HDX: variants seen among roughly 807,000 people sequenced by gnomAD.
HDX encodes the protein chromosome X open reading frame 43.
HDX carries 19 observed loss-of-function variants against 45.2 expected under a neutral mutation model. The observed-to-expected ratio is 0.42, with a 90% CI of 0.29 to 0.62. The LOEUF is 0.62. HDX is among the 20% of genes least tolerant of loss of function. The pLI is 0.20. For synonymous variants in HDX, 188 were observed against 172.8 expected, an observed-to-expected ratio of 1.09 and a Z score of -0.69; for missense variants, 532 against 493.9, an observed-to-expected ratio of 1.08 and a Z score of -0.73.
intron 1 of HDX, among the ~76,000 whole-genome samples, chrX:84,490,874 T>G (rs1360368593): frequency 9.0e-6 from 1 of 111,047 alleles, no homozygotes; most frequent in East Asian, 2.8e-4. Flanking sequence ...CATTGTTTTC[T>G]GTGTTGCATT....
chrX:84,404,214 A>AT (rs1471560855), intron 5 of HDX, among the ~76,000 whole-genome samples: 1 of 111,916 alleles, frequency 8.9e-6, no homozygotes, highest in African/African-American at 3.2e-5. Flanking sequence ...ATTGATTTAG[A>AT]TTTTTAGAGT....
At chrX:84,412,054 G>A (rs746700682) in intron 5 of HDX, among the ~76,000 whole-genome samples, 10 of 111,604 alleles carry the variant, frequency 9.0e-5, no homozygotes, top group Non-Finnish European at 1.9e-4. Context: ...GCCTATGGGT[G>A]TCATTGAACA....
intron 5 of HDX, among the ~76,000 whole-genome samples, chrX:84,376,648 G>A: frequency 8.9e-6 from 1 of 112,300 alleles, no homozygotes; most frequent in Middle Eastern, 4.7e-3. Context: ...GAGAGGATGA[G>A]GCTCTTTTGC....
chrX:84,357,336 G>A (rs994893060), intron 6 of HDX, among the ~76,000 whole-genome samples: 1 of 111,309 alleles, frequency 9.0e-6, no homozygotes, highest in Non-Finnish European at 1.9e-5. Context: ...CTGGGAAAGG[G>A]TTTAAAGATA....
intron 5 of HDX, among the ~76,000 whole-genome samples, chrX:84,392,714 C>A (rs1360376039): frequency 1.8e-5 from 2 of 109,394 alleles, no homozygotes; most frequent in Non-Finnish European, 3.8e-5. Context: ...TTCTTGGCTA[C>A]TTTATTATTA....
intron 2 of HDX, among the ~76,000 whole-genome samples, chrX:84,484,342 T>A (rs1208945146): frequency 8.9e-6 from 1 of 111,840 alleles, no homozygotes; most frequent in Non-Finnish European, 1.9e-5. Flanking sequence ...TGGGGAGGCC[T>A]CAAAACTGAC....
chrX:84,321,816 G>T lies in HDX; in HGVS notation c.*73C>A. On this transcript the variant is annotated 3_prime_UTR_variant, in exon 11 of 11. Coordinates refer to ENST00000373177, the MANE Select transcript of HDX (RefSeq NM_001177479.2). The stretch of plus-strand genomic sequence containing the variant: ...CCAACTAAAGAATACCAGGGCAACA[G>T]AATGCAGTTATCTTGAAATGCACAC... 1 of 863,996 alleles carries T rather than the reference G, an allele frequency of 1.2e-6. No homozygotes were observed. Among genetic ancestry groups the T allele is most frequent in the South Asian group, 3.0e-5 (1 of 33,817 alleles). 71.2% of individuals were successfully genotyped at this position (863,996 alleles called of 1,213,427 possible).
At chrX:84,373,830 T>G (rs1480862757) in intron 5 of HDX, among the ~76,000 whole-genome samples, 1 of 111,079 alleles carries the variant, frequency 9.0e-6, no homozygotes, top group Non-Finnish European at 1.9e-5. Flanking sequence ...CTGGAAGCAT[T>G]CCCTTTGAAA....
At chrX:84,370,611 T>C (rs1395166073) in intron 5 of HDX, among the ~76,000 whole-genome samples, 3 of 112,188 alleles carry the variant, frequency 2.7e-5, no homozygotes, top group African/African-American at 9.7e-5. Flanking sequence ...GCTGTCATTG[T>C]CAGTTTATTT....
intron 5 of HDX, among the ~76,000 whole-genome samples, chrX:84,398,315 T>A (rs1251112867): frequency 9.0e-6 from 1 of 111,046 alleles, no homozygotes; most frequent in Non-Finnish European, 1.9e-5. Flanking sequence ...ATCAATGTGC[T>A]GTGTTCAGGA....
intron 4 of HDX, among the ~76,000 whole-genome samples, chrX:84,452,836 C>T (rs748214740): frequency 9.0e-6 from 1 of 111,643 alleles, no homozygotes; most frequent in South Asian, 3.8e-4. Context: ...AAGATAAAAC[C>T]TTAAACATAA....
chrX:84,419,368 G>A (rs1284731688), intron 5 of HDX, among the ~76,000 whole-genome samples: 2 of 111,807 alleles, frequency 1.8e-5, no homozygotes, highest in Non-Finnish European at 3.8e-5. Flanking sequence ...GAGCCCTTGG[G>A]CCTTAAGGAA....
intron 6 of HDX, among the ~76,000 whole-genome samples, chrX:84,354,918 T>C (rs192419568): frequency 0.019 from 989 of 53,035 alleles, 19 homozygotes; most frequent in Middle Eastern, 0.051. Flanking sequence ...TATATATATA[T>C]ACACACACAC....
At chrX:84,450,105 T>TTA (rs1556026999) in intron 4 of HDX, among the ~76,000 whole-genome samples, 4 of 105,633 alleles carry the variant, frequency 3.8e-5, no homozygotes, top group Non-Finnish European at 7.8e-5. Flanking sequence ...TAAAGTATAA[T>TTA]AAAAAAAAAG....
intron 8 of HDX, among the ~76,000 whole-genome samples, chrX:84,335,678 C>T (rs1202770262): frequency 1.8e-5 from 2 of 110,990 alleles, no homozygotes; most frequent in African/African-American, 6.5e-5. Context: ...TCATAACCAT[C>T]GAAAACAATT....
intron 2 of HDX, among the ~76,000 whole-genome samples, chrX:84,477,093 C>T (rs1414511614): frequency 9.0e-6 from 1 of 111,382 alleles, no homozygotes; most frequent in Non-Finnish European, 1.9e-5. Context: ...GATTTCAGAG[C>T]CGTTTGGGGT....
chrX:84,479,088 C>T (rs1412371274), intron 2 of HDX, among the ~76,000 whole-genome samples: 1 of 111,625 alleles, frequency 9.0e-6, no homozygotes, highest in Non-Finnish European at 1.9e-5. Context: ...CACTTCTAAA[C>T]TTACATACAG....
At chrX:84,462,403 G>A (rs1037440259) in intron 4 of HDX, among the ~76,000 whole-genome samples, 3 of 111,763 alleles carry the variant, frequency 2.7e-5, no homozygotes, top group African/African-American at 3.2e-5. Context: ...ATGTTAAGTC[G>A]AATAAGCCAG....
chrX:84,453,483 A>T (rs2040048380), intron 4 of HDX, among the ~76,000 whole-genome samples: 1 of 111,825 alleles, frequency 8.9e-6, no homozygotes, highest in Non-Finnish European at 1.9e-5. Flanking sequence ...AGAAGAGAAC[A>T]ATGGGCAGAA....
Sources: gnomAD v4.1 joint callset for allele counts (sites outside exome capture counted in the v4.1 genomes callset) on GRCh38, gnomAD v4.1.1 for gene constraint, MANE v1.5 for transcripts, NCBI Gene and HGNC (gene_info 2026-07-23, HGNC 2026-07-21) for gene names.